PDE4D: variants seen among roughly 807,000 people sequenced by gnomAD.
PDE4D encodes the protein phosphodiesterase 4D, also known as 3',5'-cyclic-AMP phosphodiesterase 4D.
A neutral mutation model predicts 87.4 loss-of-function variants in PDE4D; 24 were observed. The ratio of observed to expected loss-of-function variants is 0.27; its 90% confidence interval spans 0.20 to 0.39. The LOEUF (loss-of-function observed/expected upper bound fraction) is 0.39, where lower values mean the gene tolerates loss of function less well. PDE4D is among the 10% of genes least tolerant of loss of function. The probability of loss-of-function intolerance (pLI) is 1.00; values close to 1 mark genes in which losing one functional copy is unlikely to be tolerated. For synonymous variants in PDE4D, 384 were observed against 383.2 expected, an observed-to-expected ratio of 1.00 and a Z score of -0.02; for missense variants, 714 against 1,041.0, an observed-to-expected ratio of 0.69 and a Z score of 4.32.
At chr5:59,105,963 G>A (rs554150434) in intron 5 of PDE4D, among the ~76,000 whole-genome samples, 12 of 152,322 alleles carry the variant, frequency 7.9e-5, no homozygotes, top group African/African-American at 2.2e-4. Context: ...AAGTGTTCGT[G>A]TAAGTGTCCA....
intron 1 of PDE4D, among the ~76,000 whole-genome samples, chr5:59,821,600 C>G (rs1412712042): frequency 1.3e-5 from 2 of 152,100 alleles, no homozygotes; most frequent in Admixed American, 1.3e-4. Flanking sequence ...ATAAAGTTTC[C>G]TTACATTTCT....
intron 1 of PDE4D, among the ~76,000 whole-genome samples, chr5:59,656,914 CTT>C (rs1040445369): frequency 6.6e-6 from 1 of 152,100 alleles, no homozygotes; most frequent in Non-Finnish European, 1.5e-5. Context: ...TCCAAGAAGT[CTT>C]TAACTTTTTT....
intron 1 of PDE4D, among the ~76,000 whole-genome samples, chr5:59,479,981 AT>A (rs34768031): frequency 2.0e-5 from 3 of 150,908 alleles, no homozygotes; most frequent in East Asian, 3.9e-4. Flanking sequence ...TATGCCAAGC[AT>A]TTTTTTTTGG....
intron 1 of PDE4D, among the ~76,000 whole-genome samples, chr5:59,329,001 T>C (rs1403376433): frequency 2.0e-5 from 3 of 152,196 alleles, no homozygotes; most frequent in Non-Finnish European, 4.4e-5. Context: ...ACGGTGCCTT[T>C]CACACACAGC....
At chr5:59,288,719 A>G (rs1581781047) in intron 1 of PDE4D, among the ~76,000 whole-genome samples, 1 of 152,170 alleles carries the variant, frequency 6.6e-6, no homozygotes, top group African/African-American at 2.4e-5. Flanking sequence ...AAAATAAAGA[A>G]AAAACATACA....
intron 1 of PDE4D, among the ~76,000 whole-genome samples, chr5:60,265,180 G>A (rs758701665): frequency 1.3e-5 from 2 of 152,174 alleles, no homozygotes. Flanking sequence ...ATTAATAGCA[G>A]TTCGCTAGTC....
At chr5:59,316,336 T>C (rs1773727018) in intron 1 of PDE4D, among the ~76,000 whole-genome samples, 1 of 152,330 alleles carries the variant, frequency 6.6e-6, no homozygotes, top group East Asian at 1.9e-4. Flanking sequence ...TAAAAGAAAC[T>C]ACCTGGGTTC....
rs565039772 is a variant in PDE4D at position 59,528,950 on chromosome 5, G to A, written c.456-312982C>T. The A allele has an allele frequency of 2.7e-4, 118 of 434,808 alleles. 1 individual carries two copies. The highest frequency in any genetic ancestry group is 1.9e-3 in the South Asian group (115 of 59,336). The allele number at this position is 434,808 out of a possible 1,614,324, so 26.9% of individuals were successfully genotyped here. On this transcript the variant is annotated intron_variant, in intron 1 of 14. Coordinates refer to ENST00000340635, the MANE Select transcript of PDE4D (RefSeq NM_001104631.2). ...AAATATGACATATCTCTGGAAGGCT[G>A]GCAGATGCAAGCTGAACGGTTGGCC...
rs147885359 is a variant in PDE4D at position 60,313,364 on chromosome 5, C to T, written c.-89-127677G>A. Among the ~76,000 whole-genome samples, 409 of 152,250 alleles carry T rather than the reference C, an allele frequency of 2.7e-3. 15 individuals carry two copies. In the East Asian group the frequency reaches 0.063, roughly 23 times the overall value. On this transcript the variant is annotated intron_variant, in intron 1 of 16. Coordinates refer to the PDE4D transcript ENST00000502484. ...AGGGTAAATTCCTGGAAACATACAA[C>T]CTCCCAAGATTGAACTAGGAAGAAA...
intron 2 of PDE4D, among the ~76,000 whole-genome samples, chr5:60,165,273 C>T (rs986287960): frequency 6.6e-6 from 1 of 152,166 alleles, no homozygotes; most frequent in African/African-American, 2.4e-5. Flanking sequence ...TGCCCTTTCA[C>T]CATTGTGTGT....
At chr5:60,142,026 A>G (rs1001162141) in intron 2 of PDE4D, among the ~76,000 whole-genome samples, 10 of 152,160 alleles carry the variant, frequency 6.6e-5, no homozygotes, top group African/African-American at 2.2e-4. Flanking sequence ...TTGTACAGCA[A>G]GTCATGAATT....
At chr5:60,028,337 A>G (rs556181592) in intron 2 of PDE4D, among the ~76,000 whole-genome samples, 82 of 152,210 alleles carry the variant, frequency 5.4e-4, no homozygotes, top group Non-Finnish European at 9.7e-4. Context: ...GGGTGCCCCC[A>G]AAGCCCTGCC....
intron 1 of PDE4D, among the ~76,000 whole-genome samples, chr5:59,265,146 T>TAGGAAAGA (rs1477839338): frequency 6.6e-6 from 1 of 151,952 alleles, no homozygotes; most frequent in South Asian, 2.1e-4. Context: ...TGGCACCCAG[T>TAGGAAAGA]AGGAAAGATA....
chr5:59,077,768 C>T (rs2153421772), intron 5 of PDE4D, among the ~76,000 whole-genome samples: 1 of 152,214 alleles, frequency 6.6e-6, no homozygotes, highest in Middle Eastern at 3.4e-3. Flanking sequence ...CCTTCCATTC[C>T]CACCCATCAG....
rs1740959042 is a variant in PDE4D at position 59,179,442 on chromosome 5, T to C, written c.808+1153A>G. Among the ~76,000 whole-genome samples, 4 of 152,154 alleles carry C rather than the reference T, an allele frequency of 2.6e-5. No individual in the cohort carries two copies. The South Asian group carries it at 8.3e-4, about 32-fold the overall frequency. On this transcript the variant is annotated intron_variant, in intron 5 of 14. Transcript: ENST00000340635. Reference sequence around the variant, plus strand: ...TGATCAATATCAAGAACAAAACTGGTTAACCATATATGTACTATAAAATGA... The same window carrying C: ...TGATCAATATCAAGAACAAAACTGGCTAACCATATATGTACTATAAAATGA...
intron 1 of PDE4D, among the ~76,000 whole-genome samples, chr5:59,710,881 T>C (rs930523137): frequency 2.0e-5 from 3 of 152,176 alleles, no homozygotes; most frequent in African/African-American, 7.2e-5. Flanking sequence ...GTAGGAATTT[T>C]ACATGGTTTT....
intron 3 of PDE4D, among the ~76,000 whole-genome samples, chr5:59,950,509 C>T (rs1758185357): frequency 6.6e-6 from 1 of 151,950 alleles, no homozygotes; most frequent in African/African-American, 2.4e-5. Flanking sequence ...TTGTGTCTCT[C>T]AAACACAGAT....
intron 1 of PDE4D, among the ~76,000 whole-genome samples, chr5:59,606,114 G>C (rs1025983271): frequency 6.6e-6 from 1 of 151,996 alleles, no homozygotes; most frequent in Non-Finnish European, 1.5e-5. Flanking sequence ...GAGTGTTACA[G>C]TATTCTCAGA....
At chr5:59,431,297 G>T (rs1296292030) in intron 1 of PDE4D, among the ~76,000 whole-genome samples, 1 of 152,110 alleles carries the variant, frequency 6.6e-6, no homozygotes, top group Non-Finnish European at 1.5e-5. Flanking sequence ...TTAGAGAAAT[G>T]CTGTATCTTT....
Sources: gnomAD v4.1 joint callset for allele counts (sites outside exome capture counted in the v4.1 genomes callset) on GRCh38, gnomAD v4.1.1 for gene constraint, MANE v1.5 for transcripts, NCBI Gene and HGNC (gene_info 2026-07-23, HGNC 2026-07-21) for gene names.